BCAT1: variants seen among roughly 807,000 people sequenced by gnomAD.
The protein encoded by BCAT1 is branched-chain-amino-acid aminotransferase, cytosolic.
Under a neutral mutation model 52.4 loss-of-function variants are expected in BCAT1, and 48 were observed. That is an observed-to-expected ratio of 0.92 (90% CI 0.73 to 1.16). The LOEUF (loss-of-function observed/expected upper bound fraction) is 1.16, where lower values mean the gene tolerates loss of function less well. Ranked by LOEUF, BCAT1 falls within the 50% of genes most tolerant of loss-of-function variation. The probability of loss-of-function intolerance (pLI) is 0.00; values close to 1 mark genes in which losing one functional copy is unlikely to be tolerated. For synonymous variants in BCAT1, 167 were observed against 161.3 expected, an observed-to-expected ratio of 1.04 and a Z score of -0.27; for missense variants, 451 against 457.1, an observed-to-expected ratio of 0.99 and a Z score of 0.12.
At chr12:24,836,246 G>A (rs920897276) in intron 8 of BCAT1, among the ~76,000 whole-genome samples, 1 of 152,154 alleles carries the variant, frequency 6.6e-6, no homozygotes, top group Admixed American at 6.5e-5. Flanking sequence ...GGAGATACCT[G>A]GTAGACTGAG....
intron 1 of BCAT1, among the ~76,000 whole-genome samples, chr12:24,921,406 C>T (rs1335870154): frequency 6.6e-6 from 1 of 152,148 alleles, no homozygotes; most frequent in Non-Finnish European, 1.5e-5. Flanking sequence ...ACTAGGGTTC[C>T]TTAGATGTTC....
intron 1 of BCAT1, among the ~76,000 whole-genome samples, chr12:24,912,698 C>CT (rs1464077011): frequency 9.9e-6 from 1 of 101,162 alleles, no homozygotes; most frequent in Admixed American, 9.6e-5. Flanking sequence ...GACCCCATCT[C>CT]TAAAAAAAAA....
intron 2 of BCAT1, among the ~76,000 whole-genome samples, chr12:24,898,982 T>C (rs10842424): frequency 0.21 from 32,396 of 152,156 alleles, 3,501 homozygotes; most frequent in Middle Eastern, 0.28. Context: ...AGGCACTATG[T>C]TCATCTTTTG....
intron 5 of BCAT1, among the ~76,000 whole-genome samples, chr12:24,867,000 G>A (rs1942039271): frequency 6.6e-6 from 1 of 152,188 alleles, no homozygotes; most frequent in Non-Finnish European, 1.5e-5. Flanking sequence ...TTTATGAGCT[G>A]TAACACTCAC....
rs1002412361 is a variant in BCAT1 at position 24,814,976 on chromosome 12, G to A, written c.*3032C>T. 1.3e-5 allele frequency: 2 copies of A among 151,904 alleles called. No homozygotes were observed. Among genetic ancestry groups the A allele is most frequent in the Admixed American group, 6.6e-5 (1 of 15,240 alleles). 9.4% of individuals were successfully genotyped at this position (151,904 alleles called of 1,614,324 possible). On this transcript the variant is annotated 3_prime_UTR_variant, in exon 11 of 11. Coordinates refer to ENST00000261192, the MANE Select transcript of BCAT1 (RefSeq NM_005504.7). ...CTTTTGAAAACAAAGGCTAAAGCAG[G>A]TGTTATAAATTTATTCATTCCTGTG...
chr12:24,873,632 T>C (rs1942245676), intron 5 of BCAT1, among the ~76,000 whole-genome samples: 1 of 152,188 alleles, frequency 6.6e-6, no homozygotes, highest in Non-Finnish European at 1.5e-5. Flanking sequence ...ACCAAAACTG[T>C]TTTTGATTTA....
chr12:24,819,175 G>T (rs10128933), intron 10 of BCAT1, among the ~76,000 whole-genome samples: 111,460 of 151,850 alleles, frequency 0.73, 41,001 homozygotes, highest in East Asian at 0.87. Flanking sequence ...AAGACTGCTC[G>T]CCATGTGTTC....
At chr12:24,943,798 C>T (rs755947697) in intron 1 of BCAT1, among the ~76,000 whole-genome samples, 1 of 151,888 alleles carries the variant, frequency 6.6e-6, no homozygotes, top group Non-Finnish European at 1.5e-5. Flanking sequence ...TCCTGGCTAA[C>T]ATGGTGAAAC....
At chr12:24,822,361 T>A (rs1017665257) in intron 10 of BCAT1, among the ~76,000 whole-genome samples, 6 of 152,194 alleles carry the variant, frequency 3.9e-5, no homozygotes, top group Non-Finnish European at 8.8e-5. Context: ...TATGAGGGAA[T>A]TTTTCCCCTG....
At chr12:24,902,732 G>A (rs895929274) in intron 1 of BCAT1, 1 of 708,110 alleles carries the variant, frequency 1.4e-6, no homozygotes, top group Non-Finnish European at 2.2e-6. Context: ...GACCTGGGCA[G>A]CGGGAACCTC....
At chr12:24,943,945 C>CT (rs199982546) in intron 1 of BCAT1, among the ~76,000 whole-genome samples, 5,549 of 151,994 alleles carry the variant, frequency 0.037, 163 homozygotes, top group Non-Finnish European at 0.055. Context: ...GATCGCACCA[C>CT]TGTACTCCAG....
At chr12:24,834,316 T>C in intron 8 of BCAT1, 1 of 985,362 alleles carries the variant, frequency 1.0e-6, no homozygotes, top group African/African-American at 1.7e-5. Context: ...TCACATTCAG[T>C]TGATTTTCAT....
At chr12:24,929,853 G>A (rs1054585793) in intron 1 of BCAT1, among the ~76,000 whole-genome samples, 1 of 152,118 alleles carries the variant, frequency 6.6e-6, no homozygotes, top group African/African-American at 2.4e-5. Flanking sequence ...GGACTCCCAT[G>A]TGTACGCACA....
At chr12:24,936,729 A>C (rs1043598692) in intron 1 of BCAT1, among the ~76,000 whole-genome samples, 4 of 59,504 alleles carry the variant, frequency 6.7e-5, no homozygotes, top group Admixed American at 1.5e-4. Context: ...TCTCTCACAC[A>C]CACACACACA....
intron 1 of BCAT1, among the ~76,000 whole-genome samples, chr12:24,931,666 C>T (rs11047709): frequency 0.3 from 46,297 of 152,080 alleles, 8,250 homozygotes; most frequent in Middle Eastern, 0.52. Flanking sequence ...CATTTCTAAC[C>T]TAGGATATTA....
At chr12:24,832,684 G>C in intron 9 of BCAT1, 39 bp downstream of exon 9, 1 of 1,559,252 alleles carries the variant, frequency 6.4e-7, no homozygotes, top group African/African-American at 1.4e-5. Flanking sequence ...AATTTAATGT[G>C]ATTGGAAATG....
rs898216116 is a variant in BCAT1 at position 24,818,148 on chromosome 12, C to T, written c.1120-99G>A. The stretch of plus-strand genomic sequence containing the variant: ...TACCGCCAAGGTTACACAAAAGGTT[C>T]GCTTCTGCTTTGAACAACATTTTCA... On this transcript the variant is annotated intron_variant, in intron 10 of 10. Coordinates refer to ENST00000261192, the MANE Select transcript of BCAT1 (RefSeq NM_005504.7). 18 of 1,203,542 alleles carry T rather than the reference C, an allele frequency of 1.5e-5. No individual in the cohort carries two copies. In the East Asian group the frequency reaches 1.7e-4, roughly 11 times the overall value. The allele number at this position is 1,203,542 out of a possible 1,614,324, so 74.6% of individuals were successfully genotyped here.
At chr12:24,896,324 G>C (rs577842986) in intron 2 of BCAT1, among the ~76,000 whole-genome samples, 3 of 152,326 alleles carry the variant, frequency 2.0e-5, no homozygotes, top group Non-Finnish European at 4.4e-5. Flanking sequence ...TTTACTTGCA[G>C]ACCAAATGCA....
chr12:24,838,311 T>C (rs779461017), intron 7 of BCAT1, among the ~76,000 whole-genome samples: 4 of 152,230 alleles, frequency 2.6e-5, no homozygotes, highest in Non-Finnish European at 5.9e-5. Flanking sequence ...TACAGCAGTA[T>C]GGCTTTTTTG....
Sources: allele counts gnomAD v4.1 joint callset (sites outside exome capture counted in the v4.1 genomes callset), GRCh38; gene constraint gnomAD v4.1.1; transcripts MANE v1.5; gene names NCBI Gene and HGNC (gene_info 2026-07-23, HGNC 2026-07-21).